The following GABRG3 variants were observed in gnomAD, a reference collection of about 807,000 sequenced individuals.
GABRG3 encodes gamma-aminobutyric acid type A receptor subunit gamma3.
A neutral mutation model predicts 48.8 loss-of-function variants in GABRG3; 25 were observed. The observed-to-expected ratio is 0.51, with a 90% CI of 0.37 to 0.72. GABRG3 has a LOEUF of 0.72. Ranked by LOEUF, GABRG3 falls within the 30% of genes least tolerant of loss-of-function variation. GABRG3 has a pLI of 0.00. For synonymous variants in GABRG3, 227 were observed against 217.6 expected (o/e 1.04, Z -0.38); for missense variants, 394 against 577.9 (o/e 0.68, Z 3.26).
At chr15:27,256,960 C>T (rs1181915951) in intron 3 of GABRG3, among the ~76,000 whole-genome samples, 1 of 152,180 alleles carries the variant, frequency 6.6e-6, no homozygotes, top group African/African-American at 2.4e-5. Context: ...GATCATTTGG[C>T]AGTTCAATTT....
At chr15:27,216,665 C>A (rs990986897) in intron 3 of GABRG3, among the ~76,000 whole-genome samples, 16 of 151,868 alleles carry the variant, frequency 1.1e-4, no homozygotes, top group Non-Finnish European at 1.5e-5. Flanking sequence ...GTGATGAATG[C>A]CTTTTCTGTT....
In GABRG3 at chr15:27,265,881, G is replaced by GTTTTTTTTTTTTTTT. The variant is rs147459440; in HGVS notation, c.271-60928_271-60927insTTTTTTTTTTTTTTT. On this transcript the variant is annotated intron_variant, in intron 3 of 9. Transcript: ENST00000615808. Reference sequence around the variant, plus strand: ...TGCAAGGTCAAGAAGATTTTCTCCTGGTTTTTTTTTTTTTTTGAGAGTGAC... The same window carrying GTTTTTTTTTTTTTTT: ...TGCAAGGTCAAGAAGATTTTCTCCTGTTTTTTTTTTTTTTTGTTTTTTTTTTTTTTTGAGAGTGAC... Among the ~76,000 whole-genome samples the GTTTTTTTTTTTTTTT allele has an allele frequency of 4.9e-4, 61 of 124,836 alleles. 2 individuals carry two copies. The highest frequency in any genetic ancestry group is 3.9e-3 in the East Asian group (18 of 4,580). The allele number at this position is 124,836 out of a possible 152,430, so 81.9% of individuals were successfully genotyped here.
At chr15:27,331,549 G>T (rs80090600) in intron 5 of GABRG3, among the ~76,000 whole-genome samples, 2,507 of 152,288 alleles carry the variant, frequency 0.016, 69 homozygotes, top group African/African-American at 0.057. Flanking sequence ...CAAAACTGCG[G>T]AAACAATAGA....
chr15:27,044,496 A>G (rs1412592493), intron 3 of GABRG3, among the ~76,000 whole-genome samples: 1 of 152,260 alleles, frequency 6.6e-6, no homozygotes, highest in African/African-American at 2.4e-5. Flanking sequence ...AAATGTTGAT[A>G]TTAAATATAC....
chr15:27,114,503 C>G (rs1216124124), intron 3 of GABRG3, among the ~76,000 whole-genome samples: 1 of 152,192 alleles, frequency 6.6e-6, no homozygotes, highest in African/African-American at 2.4e-5. Flanking sequence ...ATAACACATG[C>G]ATAACAGTCC....
At chr15:27,350,603 C>T (rs146242377) in intron 5 of GABRG3, among the ~76,000 whole-genome samples, 1 of 152,160 alleles carries the variant, frequency 6.6e-6, no homozygotes, top group East Asian at 1.9e-4. Context: ...TCCAGGGAGT[C>T]TGGAGGGAGT....
At chr15:27,507,858 A>G (rs1890798669) in intron 6 of GABRG3, among the ~76,000 whole-genome samples, 1 of 152,212 alleles carries the variant, frequency 6.6e-6, no homozygotes, top group Admixed American at 6.5e-5. Context: ...AAGTACATAC[A>G]CATTAAAAAT....
intron 2 of GABRG3, among the ~76,000 whole-genome samples, chr15:26,993,767 C>T (rs1394022617): frequency 6.6e-6 from 1 of 151,920 alleles, no homozygotes; most frequent in Non-Finnish European, 1.5e-5. Context: ...GATTTTCTGT[C>T]TGGGAGATCT....
intron 5 of GABRG3, among the ~76,000 whole-genome samples, chr15:27,383,181 T>A (rs1382215968): frequency 6.6e-6 from 1 of 152,194 alleles, no homozygotes; most frequent in Admixed American, 6.5e-5. Flanking sequence ...CCATGCTGTC[T>A]TTAAGATCTT....
chr15:27,066,444 A>G (rs1448553136), intron 3 of GABRG3, among the ~76,000 whole-genome samples: 1 of 152,202 alleles, frequency 6.6e-6, no homozygotes, highest in Non-Finnish European at 1.5e-5. Context: ...CTAACATTAG[A>G]AACAATTGGG....
intron 2 of GABRG3, 48 bp from the exon 3 acceptor site, chr15:27,026,704 CTG>C (rs1458658809): frequency 7.1e-7 from 1 of 1,408,316 alleles, no homozygotes; most frequent in East Asian, 2.3e-5. Context: ...GTGCTCTCCT[CTG>C]TCTTTCTCCG....
intron 5 of GABRG3, among the ~76,000 whole-genome samples, chr15:27,401,426 A>G (rs1887471300): frequency 6.6e-6 from 1 of 152,250 alleles, no homozygotes; most frequent in Non-Finnish European, 1.5e-5. Flanking sequence ...TTTCACTGGT[A>G]CTTGAATATT....
At chr15:27,515,389 G>A (rs971988579) in intron 6 of GABRG3, among the ~76,000 whole-genome samples, 4 of 152,060 alleles carry the variant, frequency 2.6e-5, no homozygotes, top group African/African-American at 7.2e-5. Context: ...CACCGCGACC[G>A]GCTGGAACTT....
intron 5 of GABRG3, among the ~76,000 whole-genome samples, chr15:27,338,431 C>T (rs887556895): frequency 7.2e-5 from 11 of 152,036 alleles, no homozygotes; most frequent in South Asian, 2.1e-4. Flanking sequence ...CAATGGAAAC[C>T]GATTTAAGAT....
At chr15:27,411,126 A>C (rs1480663683) in intron 5 of GABRG3, among the ~76,000 whole-genome samples, 1 of 152,036 alleles carries the variant, frequency 6.6e-6, no homozygotes, top group Non-Finnish European at 1.5e-5. Context: ...TATTTATTTA[A>C]GGATTTTCAC....
intron 5 of GABRG3, among the ~76,000 whole-genome samples, chr15:27,442,314 A>G (rs1325687331): frequency 6.6e-6 from 1 of 152,218 alleles, no homozygotes; most frequent in Non-Finnish European, 1.5e-5. Flanking sequence ...TGAGAGCTCC[A>G]CAAGAGGGAT....
intron 5 of GABRG3, among the ~76,000 whole-genome samples, chr15:27,432,687 A>C (rs1302500259): frequency 6.6e-6 from 1 of 152,230 alleles, no homozygotes; most frequent in East Asian, 1.9e-4. Flanking sequence ...GGATGTGCTG[A>C]AAATTTCTCA....
chr15:27,055,999 G>T (rs1050579944), intron 3 of GABRG3, among the ~76,000 whole-genome samples: 2 of 152,048 alleles, frequency 1.3e-5, no homozygotes, highest in African/African-American at 4.8e-5. Context: ...TCAACTCAAG[G>T]TAATATTTTT....
intron 7 of GABRG3, among the ~76,000 whole-genome samples, chr15:27,520,422 G>A (rs1891131012): frequency 6.6e-6 from 1 of 151,592 alleles, no homozygotes; most frequent in African/African-American, 2.4e-5. Flanking sequence ...CCCAGAACCT[G>A]TCAACTCAAA....
Sources: allele counts gnomAD v4.1 joint callset (sites outside exome capture counted in the v4.1 genomes callset), GRCh38; gene constraint gnomAD v4.1.1; transcripts MANE v1.5; gene names NCBI Gene and HGNC (gene_info 2026-07-23, HGNC 2026-07-21).